RAB36: variants seen among roughly 807,000 people sequenced by gnomAD.
RAB36 encodes RAB36, member RAS oncogene family.
A neutral mutation model predicts 39.3 loss-of-function variants in RAB36; 33 were observed. That is an observed-to-expected ratio of 0.84 (90% CI 0.64 to 1.12). The LOEUF (loss-of-function observed/expected upper bound fraction) is 1.12. Among genes scored for constraint, RAB36 ranks in the 50% most tolerant of loss-of-function variants. The pLI is 0.00. For synonymous variants in RAB36, 133 were observed against 140.2 expected (o/e 0.95, Z 0.36); for missense variants, 308 against 355.3 (o/e 0.87, Z 1.07).
rs533853458 is a variant in RAB36 at position 23,158,111 on chromosome 22, ACC to A, written c.446+70_446+71del. 3.3e-4 allele frequency: 526 copies of A among 1,596,186 alleles called. 3 individuals carry two copies. In the African/African-American group the frequency reaches 6.6e-3, roughly 20 times the overall value. ...GGAAGCTGCCTGGAAGGGCTCCCAG[ACC>A]CTGGCCAGTGGACCCTGACCCCGTG... On this transcript the variant is annotated intron_variant, in intron 7 of 10. Transcript: ENST00000263116.
chr22:23,169,272 G>GT (rs2072098137), downstream of RAB36, among the ~76,000 whole-genome samples: 1 of 152,220 alleles, frequency 6.6e-6, no homozygotes, highest in South Asian at 2.1e-4. Flanking sequence ...AAGGACAGCT[G>GT]TATTGATGGC....
At chr22:23,156,068 C>G in intron 6 of RAB36, 36 bp downstream of exon 6, 1 of 1,576,342 alleles carries the variant, frequency 6.3e-7, no homozygotes, top group Non-Finnish European at 8.7e-7. Flanking sequence ...CAACTGCATG[C>G]AGCAGCGGGG....
chr22:23,152,609 A>G lies in RAB36; in HGVS notation c.227+83A>G, dbSNP rs2146527667. The G allele has an allele frequency of 3.0e-6, 4 of 1,312,902 alleles. No individual in the cohort carries two copies. In the East Asian group the frequency reaches 6.9e-5, roughly 23 times the overall value. 81.3% of individuals were successfully genotyped at this position (1,312,902 alleles called of 1,614,324 possible). ...TTGCCTGGGTGGCCCAGATAATATC[A>G]ACATAGCAGAAATCATGTGGCTTCC... On this transcript the variant is annotated intron_variant, in intron 4 of 10. Transcript: ENST00000263116.
intron 6 of RAB36, among the ~76,000 whole-genome samples, chr22:23,157,460 T>C (rs1051228665): frequency 2.6e-5 from 4 of 152,154 alleles, no homozygotes; most frequent in Admixed American, 2.6e-4. Flanking sequence ...GGGGTTTCAC[T>C]GTGTTAGCCA....
At chr22:23,150,304 CTTTTTTTT>C (rs1209181462) in intron 3 of RAB36, 150 bp downstream of exon 3, 1 of 378,598 alleles carries the variant, frequency 2.6e-6, no homozygotes, top group Admixed American at 4.2e-5. Flanking sequence ...TTTTTTTTTT[CTTTTTTTT>C]TTTTTTTGAG....
intron 2 of RAB36, among the ~76,000 whole-genome samples, chr22:23,149,386 G>C (rs1304581744): frequency 1.3e-5 from 2 of 152,120 alleles, no homozygotes; most frequent in Non-Finnish European, 2.9e-5. Context: ...GGGTGGGTGG[G>C]GTACGTGCAG....
At chr22:23,148,048 C>A (rs2070898808) in intron 2 of RAB36, among the ~76,000 whole-genome samples, 1 of 152,122 alleles carries the variant, frequency 6.6e-6, no homozygotes. Flanking sequence ...GGGATAGATC[C>A]TCTCCATGGA....
chr22:23,153,176 C>CA, intron 5 of RAB36, 42 bp downstream of exon 5: 1 of 1,454,460 alleles, frequency 6.9e-7, no homozygotes, highest in South Asian at 1.1e-5. Flanking sequence ...CAGCTTCCTA[C>CA]AGGCACCTGA....
At chr22:23,154,940 A>C (rs1033514958) in intron 5 of RAB36, among the ~76,000 whole-genome samples, 4 of 152,188 alleles carry the variant, frequency 2.6e-5, no homozygotes, top group Non-Finnish European at 5.9e-5. Flanking sequence ...AGCCTGACCA[A>C]CATGGAGAAA....
chr22:23,152,599 A>C, intron 4 of RAB36, 73 bp downstream of exon 4: 1 of 1,405,870 alleles, frequency 7.1e-7, no homozygotes, highest in South Asian at 1.2e-5. Context: ...TGGGTGGCCC[A>C]GATAATATCA....
chr22:23,162,656 C>A lies in RAB36; in HGVS notation c.*1092C>A, dbSNP rs1288966632. ...ACAGGGTTTTCTCACTGCTATGAAC[C>A]AGCCCCACAGCCCCAGGCCCCTGTC... On this transcript the variant is annotated 3_prime_UTR_variant, in exon 11 of 11. Coordinates refer to ENST00000263116, the MANE Select transcript of RAB36 (RefSeq NM_004914.5). 2.2e-6 allele frequency: 1 copy of A among 456,204 alleles called. No individual in the cohort carries two copies. The highest frequency in any genetic ancestry group is 6.9e-5 in the East Asian group (1 of 14,396). 28.3% of individuals were successfully genotyped at this position (456,204 alleles called of 1,614,324 possible).
intron 2 of RAB36, among the ~76,000 whole-genome samples, chr22:23,148,876 C>T (rs1450713629): frequency 6.6e-6 from 1 of 152,262 alleles, no homozygotes; most frequent in Non-Finnish European, 1.5e-5. Context: ...GTAGCTGCTG[C>T]TCTTCTGCAG....
At position 23,160,956 on chromosome 22, in the gene RAB36, C is replaced by G; in HGVS notation, c.697C>G (p.Gln233Glu). 6.2e-7 allele frequency: 1 copy of G among 1,613,496 alleles called. No homozygotes were observed. ...EQSVLQDLER[Q>E]SSARLQVGNG... Reference sequence around the variant, plus strand: ...GTCGGTGCTGCAGGACCTGGAGAGGCAGAGCAGTGCCCGGCTCCAGGTCGG... The same window carrying G: ...GTCGGTGCTGCAGGACCTGGAGAGGGAGAGCAGTGCCCGGCTCCAGGTCGG... The change falls in exon 10 of 11, where the codon CAG becomes GAG. Residue 233 changes from glutamine (Q) to glutamate (E), a missense_variant. By Grantham distance (29) the Gln-to-Glu change is conservative (BLOSUM62 2). Transcript: ENST00000263116.
At chr22:23,160,394 C>A (rs2071709843) in intron 9 of RAB36, among the ~76,000 whole-genome samples, 1 of 152,180 alleles carries the variant, frequency 6.6e-6, no homozygotes, top group South Asian at 2.1e-4. Flanking sequence ...GAAACCAGCC[C>A]GCTCTCTGAT....
chr22:23,153,635 T>G (rs1281520089), intron 5 of RAB36: 7 of 981,302 alleles, frequency 7.1e-6, no homozygotes, highest in Non-Finnish European at 8.4e-6. Context: ...CTCGTCTTCC[T>G]CCTCACACTG....
chr22:23,151,755 A>C (rs769640686), intron 3 of RAB36, among the ~76,000 whole-genome samples: 38 of 152,342 alleles, frequency 2.5e-4, no homozygotes, highest in Non-Finnish European at 5.1e-4. Flanking sequence ...ACGCCTCTGC[A>C]CAGAGTGTAG....
chr22:23,158,647 G>A (rs966007318), intron 7 of RAB36, among the ~76,000 whole-genome samples: 5 of 152,354 alleles, frequency 3.3e-5, no homozygotes, highest in African/African-American at 7.2e-5. Flanking sequence ...CACCGGGAGA[G>A]GCCAGAGGTG....
At chr22:23,157,334 T>C in intron 6 of RAB36, among the ~76,000 whole-genome samples, 1 of 151,702 alleles carries the variant, frequency 6.6e-6, no homozygotes, top group East Asian at 1.9e-4. Flanking sequence ...CACTGCAAGC[T>C]CCGCCTCCCG....
chr22:23,150,868 C>T (rs1235209923), intron 3 of RAB36, among the ~76,000 whole-genome samples: 1 of 152,172 alleles, frequency 6.6e-6, no homozygotes, highest in Non-Finnish European at 1.5e-5. Context: ...TGCTCTTGTG[C>T]CCCCAAGAAC....
Sources: allele counts gnomAD v4.1 joint callset (sites outside exome capture counted in the v4.1 genomes callset), GRCh38; gene constraint gnomAD v4.1.1; transcripts MANE v1.5; gene names NCBI Gene and HGNC (gene_info 2026-07-23, HGNC 2026-07-21).